The following PDZRN4 variants were observed in gnomAD, a reference collection of about 807,000 sequenced individuals.
PDZRN4 encodes PDZ domain containing ring finger 4.
Under a neutral mutation model 99.0 loss-of-function variants are expected in PDZRN4, and 70 were observed. That is an observed-to-expected ratio of 0.71 (90% CI 0.58 to 0.86). The LOEUF is 0.86. Ranked by LOEUF, PDZRN4 falls within the 40% of genes least tolerant of loss-of-function variation. The pLI is 0.00. For missense variants in PDZRN4, 1,474 were observed against 1,331.2 expected, an observed-to-expected ratio of 1.11 and a Z score of -1.67; for synonymous variants, 551 against 501.6, an observed-to-expected ratio of 1.10 and a Z score of -1.32.
chr12:41,276,778 T>TACTAAGCA (rs1230492960), intron 3 of PDZRN4, among the ~76,000 whole-genome samples: 1 of 152,188 alleles, frequency 6.6e-6, no homozygotes, highest in Non-Finnish European at 1.5e-5. Context: ...GTATGTAAAG[T>TACTAAGCA]ACTAAGCAAA....
chr12:41,348,521 G>A (rs1951869896), intron 3 of PDZRN4, among the ~76,000 whole-genome samples: 1 of 152,004 alleles, frequency 6.6e-6, no homozygotes, highest in Non-Finnish European at 1.5e-5. Flanking sequence ...AAAATAAAAC[G>A]AATGAATGAA....
intron 3 of PDZRN4, among the ~76,000 whole-genome samples, chr12:41,388,138 G>A (rs1952184950): frequency 6.6e-6 from 1 of 152,146 alleles, no homozygotes; most frequent in Non-Finnish European, 1.5e-5. Context: ...GGTGGAGCTA[G>A]AGGACATTAC....
At chr12:41,264,953 G>C (rs1420333495) in intron 3 of PDZRN4, among the ~76,000 whole-genome samples, 1 of 152,146 alleles carries the variant, frequency 6.6e-6, no homozygotes, top group African/African-American at 2.4e-5. Context: ...AGGAGGGAAA[G>C]AAGGAGGAGA....
chr12:41,392,139 C>T (rs2121122551), intron 3 of PDZRN4, among the ~76,000 whole-genome samples: 1 of 152,112 alleles, frequency 6.6e-6, no homozygotes, highest in East Asian at 1.9e-4. Flanking sequence ...ATGAATCTGT[C>T]CTAAAGGCTT....
At chr12:41,192,661 T>C (rs964204137) in intron 2 of PDZRN4, among the ~76,000 whole-genome samples, 6 of 152,232 alleles carry the variant, frequency 3.9e-5, no homozygotes, top group African/African-American at 1.4e-4. Context: ...AGGAAGAAAA[T>C]TATATTGAAT....
chr12:41,192,239 G>T (rs1950740069), intron 2 of PDZRN4, among the ~76,000 whole-genome samples: 1 of 152,086 alleles, frequency 6.6e-6, no homozygotes, highest in South Asian at 2.1e-4. Context: ...AAGTAGCTGG[G>T]ATTATAGGCG....
chr12:41,278,197 CT>C (rs1318209940), intron 3 of PDZRN4, among the ~76,000 whole-genome samples: 1 of 152,106 alleles, frequency 6.6e-6, no homozygotes, highest in Non-Finnish European at 1.5e-5. Context: ...AAAGAGGAGG[CT>C]TTTTATAAGG....
rs185024968 is a variant in PDZRN4 at position 41,362,400 on chromosome 12, A to T, written c.844-144056A>T. ...CTTCTGATTAAAAATAATAATTTTT[A>T]AAAAACTCTTCAAATATAAGAACCT... On this transcript the variant is annotated intron_variant, in intron 3 of 9. Coordinates refer to ENST00000402685, the MANE Select transcript of PDZRN4 (RefSeq NM_001164595.2). 4.8e-3 allele frequency among the ~76,000 whole-genome samples: 725 copies of T among 151,608 alleles called. 7 individuals are homozygous for T. The highest frequency in any genetic ancestry group is 0.017 in the African/African-American group (687 of 41,350).
chr12:41,363,792 T>C (rs553847083), intron 3 of PDZRN4, among the ~76,000 whole-genome samples: 4 of 152,228 alleles, frequency 2.6e-5, no homozygotes, highest in Non-Finnish European at 4.4e-5. Context: ...GGCAGGGCCA[T>C]GTGTGCTGGT....
At chr12:41,368,127 A>C (rs574794027) in intron 3 of PDZRN4, among the ~76,000 whole-genome samples, 1 of 152,118 alleles carries the variant, frequency 6.6e-6, no homozygotes, top group Non-Finnish European at 1.5e-5. Context: ...AAAGTAGAGA[A>C]AGATGAAAAA....
At chr12:41,430,904 G>A (rs1429214777) in intron 3 of PDZRN4, among the ~76,000 whole-genome samples, 2 of 152,186 alleles carry the variant, frequency 1.3e-5, no homozygotes, top group African/African-American at 2.4e-5. Flanking sequence ...TTTCAATCAT[G>A]ACTGAAAGCA....
chr12:41,342,695 A>G (rs1051833252), intron 3 of PDZRN4, among the ~76,000 whole-genome samples: 3 of 151,976 alleles, frequency 2.0e-5, no homozygotes, highest in Non-Finnish European at 4.4e-5. Flanking sequence ...ACTATCAAAA[A>G]GACCAAAGAA....
At chr12:41,371,034 C>CGGTTGT (rs1952037977) in intron 3 of PDZRN4, among the ~76,000 whole-genome samples, 2 of 151,128 alleles carry the variant, frequency 1.3e-5, no homozygotes, top group African/African-American at 2.4e-5. Flanking sequence ...ACCGGCTCTC[C>CGGTTGT]ATAAAGTAAT....
intron 5 of PDZRN4, among the ~76,000 whole-genome samples, chr12:41,549,518 C>G (rs1050525003): frequency 1.3e-5 from 2 of 152,174 alleles, no homozygotes; most frequent in Non-Finnish European, 2.9e-5. Flanking sequence ...GAGACAATCT[C>G]AACCAAGAAA....
At chr12:41,552,331 T>C (rs893795010) in intron 5 of PDZRN4, among the ~76,000 whole-genome samples, 45 of 152,312 alleles carry the variant, frequency 3.0e-4, no homozygotes, top group Middle Eastern at 6.8e-3. Flanking sequence ...AATTATTTTA[T>C]TGATTCCAGT....
At chr12:41,358,361 A>G (rs1396279078) in intron 3 of PDZRN4, among the ~76,000 whole-genome samples, 2 of 152,004 alleles carry the variant, frequency 1.3e-5, no homozygotes, top group East Asian at 1.9e-4. Flanking sequence ...ATTTTCTTAT[A>G]TTTAACCAAT....
intron 3 of PDZRN4, among the ~76,000 whole-genome samples, chr12:41,210,042 A>G (rs189070538): frequency 6.6e-6 from 1 of 152,084 alleles, no homozygotes; most frequent in Admixed American, 6.6e-5. Flanking sequence ...CACCATTCTA[A>G]CTGGTGTGAG....
chr12:41,503,378 T>C (rs1479299577), intron 3 of PDZRN4, among the ~76,000 whole-genome samples: 1 of 152,118 alleles, frequency 6.6e-6, no homozygotes, highest in South Asian at 2.1e-4. Context: ...AATTTGCATA[T>C]AAATTTCATG....
intron 5 of PDZRN4, among the ~76,000 whole-genome samples, chr12:41,530,092 G>A (rs901764252): frequency 4.6e-5 from 7 of 152,138 alleles, no homozygotes; most frequent in African/African-American, 1.7e-4. Flanking sequence ...AACGGCATAA[G>A]ACTTCCATGG....
Sources: allele counts gnomAD v4.1 joint callset (sites outside exome capture counted in the v4.1 genomes callset), GRCh38; gene constraint gnomAD v4.1.1; transcripts MANE v1.5; gene names NCBI Gene and HGNC (gene_info 2026-07-23, HGNC 2026-07-21).